PRELID2: variants seen among roughly 807,000 people sequenced by gnomAD.
PRELID2 encodes the protein PRELI domain containing 2.
In PRELID2, 25 loss-of-function variants were observed where a neutral mutation model predicts 28.4. The ratio of observed to expected loss-of-function variants is 0.88; its 90% CI spans 0.64 to 1.23. PRELID2 has a LOEUF of 1.23. Ranked by LOEUF, PRELID2 falls within the 50% of genes most tolerant of loss-of-function variation. The probability of loss-of-function intolerance (pLI) is 0.00; values close to 1 mark genes in which losing one functional copy is unlikely to be tolerated. For synonymous variants in PRELID2, 76 were observed against 71.6 expected, an observed-to-expected ratio of 1.06 and a Z score of -0.31; for missense variants, 201 against 214.4, an observed-to-expected ratio of 0.94 and a Z score of 0.39.
the PRELID2 span, among the ~76,000 whole-genome samples, chr5:145,244,145 G>A: frequency 7.9e-5 from 12 of 152,130 alleles, no homozygotes; most frequent in African/African-American, 2.9e-4. Context: ...AGTAGAGACG[G>A]GGTTTCAGTA....
intron 1 of PRELID2, among the ~76,000 whole-genome samples, chr5:145,558,847 TG>T: frequency 6.6e-6 from 1 of 152,316 alleles, no homozygotes; most frequent in South Asian, 2.1e-4. Flanking sequence ...GAGGGCAATT[TG>T]GCAAAATCTA....
intron 1 of PRELID2, among the ~76,000 whole-genome samples, chr5:145,607,916 C>G (rs948417340): frequency 1.3e-5 from 2 of 152,196 alleles, no homozygotes; most frequent in African/African-American, 4.8e-5. Flanking sequence ...CCTTATGAAT[C>G]TAGGTGTTCC....
chr5:145,710,966 T>A (rs1311427830), intron 1 of PRELID2, among the ~76,000 whole-genome samples: 1 of 152,140 alleles, frequency 6.6e-6, no homozygotes, highest in East Asian at 1.9e-4. Flanking sequence ...GAGGATAATA[T>A]TAGAATAGAC....
At chr5:145,544,463 A>T (rs1477471660) in intron 1 of PRELID2, among the ~76,000 whole-genome samples, 1 of 152,158 alleles carries the variant, frequency 6.6e-6, no homozygotes, top group East Asian at 1.9e-4. Context: ...ATATTTCTTA[A>T]CATAAATTAA....
chr5:145,692,350 G>T (rs1300523843), intron 1 of PRELID2, among the ~76,000 whole-genome samples: 1 of 150,580 alleles, frequency 6.6e-6, no homozygotes, highest in East Asian at 1.9e-4. Context: ...ACAAGCTTAT[G>T]TGTACATGGA....
intron 1 of PRELID2, among the ~76,000 whole-genome samples, chr5:145,654,394 T>G (rs1754354400): frequency 6.6e-6 from 1 of 152,150 alleles, no homozygotes; most frequent in Non-Finnish European, 1.5e-5. Flanking sequence ...CCTAACTCAT[T>G]TTATGGGGCC....
chr5:145,605,957 T>A (rs1051336806), intron 1 of PRELID2, among the ~76,000 whole-genome samples: 8 of 152,112 alleles, frequency 5.3e-5, no homozygotes, highest in East Asian at 3.8e-4. Flanking sequence ...CAGATTTTTT[T>A]AATTCTCATT....
intron 5 of PRELID2, among the ~76,000 whole-genome samples, chr5:145,788,093 T>G (rs1752122550): frequency 6.6e-6 from 1 of 152,132 alleles, no homozygotes. Flanking sequence ...AGGTCTGAGA[T>G]CATGACTTGA....
intron 1 of PRELID2, among the ~76,000 whole-genome samples, chr5:145,522,197 T>G (rs957573532): frequency 2.0e-5 from 3 of 152,240 alleles, no homozygotes; most frequent in Non-Finnish European, 2.9e-5. Flanking sequence ...CCTAGTCTCT[T>G]CATCTCTCCT....
At chr5:145,754,401 C>A (rs1041560391), downstream of PRELID2, 1 of 152,184 alleles carries the variant, frequency 6.6e-6, no homozygotes, top group African/African-American at 2.4e-5. Context: ...TTGATATACC[C>A]AAGAGATAAC....
intron 1 of PRELID2, among the ~76,000 whole-genome samples, chr5:145,481,240 A>G (rs1580953010): frequency 6.6e-6 from 1 of 151,996 alleles, no homozygotes; most frequent in African/African-American, 2.4e-5. Context: ...GGGCTGCATT[A>G]CCTTTGGTTT....
chr5:145,428,880 A>AC, the PRELID2 span, among the ~76,000 whole-genome samples: 1 of 152,140 alleles, frequency 6.6e-6, no homozygotes, highest in African/African-American at 2.4e-5. Context: ...GCCCCCAGGC[A>AC]GGTGCATGCT....
At chr5:145,322,298 T>C in the PRELID2 span, among the ~76,000 whole-genome samples, 1 of 152,192 alleles carries the variant, frequency 6.6e-6, no homozygotes, top group Non-Finnish European at 1.5e-5. Context: ...ATTTTTTCCA[T>C]ACATATAAGG....
chr5:145,643,668 T>C (rs1362067493), intron 1 of PRELID2, among the ~76,000 whole-genome samples: 2 of 152,332 alleles, frequency 1.3e-5, no homozygotes, highest in South Asian at 4.1e-4. Flanking sequence ...ATAGATCTTA[T>C]TGTTTTGAGA....
the PRELID2 span, among the ~76,000 whole-genome samples, chr5:145,370,509 G>A: frequency 8.0e-4 from 122 of 152,166 alleles, no homozygotes; most frequent in East Asian, 0.019. Flanking sequence ...GTACCATGCC[G>A]TTTTGGTTAC....
chr5:145,584,380 T>G (rs1402873042), intron 1 of PRELID2, among the ~76,000 whole-genome samples: 1 of 151,902 alleles, frequency 6.6e-6, no homozygotes, highest in African/African-American at 2.4e-5. Flanking sequence ...TAGGCACAGG[T>G]AAAAATTTCA....
At chr5:145,408,406 TATA>T in the PRELID2 span, among the ~76,000 whole-genome samples, 1 of 120,950 alleles carries the variant, frequency 8.3e-6, no homozygotes, top group East Asian at 2.1e-4. Context: ...TATATATATA[TATA>T]TATATATATG....
the PRELID2 span, among the ~76,000 whole-genome samples, chr5:145,310,146 A>G: frequency 1.3e-5 from 2 of 152,236 alleles, no homozygotes; most frequent in Non-Finnish European, 2.9e-5. Context: ...CAAGAAATAA[A>G]TGTAAAGCAT....
At chr5:145,526,033 C>T (rs2126655710) in intron 1 of PRELID2, among the ~76,000 whole-genome samples, 1 of 152,288 alleles carries the variant, frequency 6.6e-6, no homozygotes, top group Non-Finnish European at 1.5e-5. Context: ...GTAAGTTGCT[C>T]ACAAGATGGT....
Sources: allele counts gnomAD v4.1 joint callset (sites outside exome capture counted in the v4.1 genomes callset), GRCh38; gene constraint gnomAD v4.1.1; transcripts MANE v1.5; gene names NCBI Gene and HGNC (gene_info 2026-07-23, HGNC 2026-07-21).